The following KLHL21 variants were observed in gnomAD, a reference collection of about 807,000 sequenced individuals.
KLHL21 encodes kelch-like protein 21.
In KLHL21, 42 loss-of-function variants were observed where a neutral mutation model predicts 44.1. That is an observed-to-expected ratio of 0.95 (90% confidence interval 0.74 to 1.23). KLHL21 has a LOEUF of 1.23. Ranked by LOEUF, KLHL21 falls within the 50% of genes most tolerant of loss-of-function variation. KLHL21 has a pLI of 0.00. For synonymous variants in KLHL21, 524 were observed against 411.6 expected (o/e 1.27, Z -3.31); for missense variants, 918 against 889.1 (o/e 1.03, Z -0.41).
rs1233711162 is a variant in KLHL21 at position 6,602,048 on chromosome 1, G to C, written c.770C>G (p.Ala257Gly). The change falls in exon 1 of 4, where the codon GCG becomes GGG. Residue 257 changes from alanine to glycine, a missense_variant. By Grantham distance (60) the Ala-to-Gly change is moderately conservative. Coordinates refer to ENST00000377658, the MANE Select transcript of KLHL21 (RefSeq NM_014851.4). ...GTAGCGCGCCGCCTGGAAGTCGCGC[G>C]CCTCGCGCAGCAGGCGCAGGCAGGG... is the stretch of plus-strand genomic sequence containing the variant. Reference protein sequence around the residue: ...CPPCLRLLREARDFQAARYDR... With the variant: ...CPPCLRLLREGRDFQAARYDR... 6.6e-7 allele frequency: 1 copy of C among 1,521,894 alleles called. No homozygotes were observed. The highest frequency in any genetic ancestry group is 1.4e-5 in the African/African-American group (1 of 70,702). 94.3% of individuals were successfully genotyped at this position (1,521,894 alleles called of 1,614,324 possible).
In KLHL21 at chr1:6,602,094, G is replaced by A. The variant is rs1275834027; in HGVS notation, c.724C>T (p.Pro242Ser). ...CAGGGTGGGCAGCGCGCCACCAGCGGCTCGGCCTCGACGTGCGCCAACAGG... is the reference window on the plus strand; with the variant it reads ...CAGGGTGGGCAGCGCGCCACCAGCGACTCGGCCTCGACGTGCGCCAACAGG... ...FYLLAHVEAE[P>S]LVARCPPCLR... The change falls in exon 1 of 4, where the codon CCG becomes TCG. Residue 242 changes from proline (P) to serine (S), a missense_variant. By Grantham distance (74) the Pro-to-Ser change is moderately conservative (BLOSUM62 -1). Coordinates refer to ENST00000377658, the MANE Select transcript of KLHL21 (RefSeq NM_014851.4). 1.4e-6 allele frequency: 2 copies of A among 1,480,216 alleles called. No homozygotes were observed. The highest frequency in any genetic ancestry group is 1.3e-5 in the South Asian group (1 of 75,926). The allele number at this position is 1,480,216 out of a possible 1,614,324, so 91.7% of individuals were successfully genotyped here. A position where few individuals can be genotyped will look rare whatever the true frequency, so the allele number is the denominator to read the frequency against.
intron 2 of KLHL21, among the ~76,000 whole-genome samples, chr1:6,597,459 G>T (rs1049280804): frequency 6.6e-6 from 1 of 152,186 alleles, no homozygotes; most frequent in Non-Finnish European, 1.5e-5. Flanking sequence ...TCACAACTTG[G>T]GGGAGGGAGA....
chr1:6,594,093 A>G (rs1465987373), intron 3 of KLHL21: 7 of 1,000,960 alleles, frequency 7.0e-6, no homozygotes, highest in African/African-American at 1.7e-5. Flanking sequence ...CAAATTCGCT[A>G]TGACTATGTG....
In KLHL21 at chr1:6,591,657, AG is replaced by A. The variant is rs1640852342; in HGVS notation, c.*1707del. The A allele has an allele frequency of 1.3e-5, 2 of 152,476 alleles. No individual in the cohort carries two copies. Among genetic ancestry groups the A allele is most frequent in the African/African-American group, 4.8e-5 (2 of 41,580 alleles). The allele number at this position is 152,476 out of a possible 1,614,324, so 9.4% of individuals were successfully genotyped here. A position where few individuals can be genotyped will look rare whatever the true frequency, so the allele number is the denominator to read the frequency against. ...CCTCTGGGTGGGCTCAGCAGCCCCT[AG>A]GAAGTTAAGCGAGAGCTACAGGGCA... On this transcript the variant is annotated 3_prime_UTR_variant, in exon 4 of 4. Coordinates refer to ENST00000377658, the MANE Select transcript of KLHL21 (RefSeq NM_014851.4).
In KLHL21 at chr1:6,599,091, G is replaced by A. The variant is rs771284046; in HGVS notation, c.1383C>T (p.Phe461=). Residue 461 remains phenylalanine, a synonymous_variant, in exon 2 of 4, where the codon TTC becomes TTT. Coordinates refer to ENST00000377658, the MANE Select transcript of KLHL21 (RefSeq NM_014851.4). ...VDCGQLPPWS[F]APKTATLNGL... is the part of the protein sequence containing the mutation. Reference sequence around the variant, plus strand: ...CGTTTAGAGTCGCAGTCTTGGGGGCGAAGGACCAGGGCGGGAGCTGGCCGC... The same window carrying A: ...CGTTTAGAGTCGCAGTCTTGGGGGCAAAGGACCAGGGCGGGAGCTGGCCGC... 3.7e-6 allele frequency: 6 copies of A among 1,609,562 alleles called. No individual in the cohort carries two copies. Among genetic ancestry groups the A allele is most frequent in the Admixed American group, 1.7e-5 (1 of 59,436 alleles).
Position 6,593,394 on chromosome 1 carries a change from G to A in KLHL21, c.1765C>T (p.Pro589Ser). The change falls in exon 4 of 4, where the codon CCG becomes TCG. Residue 589 changes from proline (P) to serine (S), a missense_variant. Coordinates refer to ENST00000377658, the MANE Select transcript of KLHL21 (RefSeq NM_014851.4). Reference protein sequence around the residue: ...SDDMDPGRPRPPRDPDELH With the variant: ...SDDMDPGRPRSPRDPDELH ...TGCAGCTCATCGGGGTCCCGCGGCG[G>A]CCGGGGTCGGCCTGGGTCCATGTCA... 2 of 1,604,182 alleles carry A rather than the reference G, an allele frequency of 1.2e-6. No individual in the cohort carries two copies. Among genetic ancestry groups the A allele is most frequent in the Non-Finnish European group, 8.5e-7 (1 of 1,175,494 alleles).
In KLHL21 at chr1:6,593,075, C is replaced by T. The variant is rs573788361; in HGVS notation, c.*290G>A. 70 of 434,984 alleles carry T rather than the reference C, an allele frequency of 1.6e-4. No individual in the cohort carries two copies. Among genetic ancestry groups the T allele is most frequent in the Admixed American group, 3.7e-4 (10 of 27,328 alleles). The allele number at this position is 434,984 out of a possible 1,614,324, so 26.9% of individuals were successfully genotyped here. ...ACAACGGCAGGAGGGGTGTGCGCCGCGTGGGTGAGCTGTGATCCGCGGGGT... is the reference window on the plus strand; with the variant it reads ...ACAACGGCAGGAGGGGTGTGCGCCGTGTGGGTGAGCTGTGATCCGCGGGGT... On this transcript the variant is annotated 3_prime_UTR_variant, in exon 4 of 4. Coordinates refer to ENST00000377658, the MANE Select transcript of KLHL21 (RefSeq NM_014851.4).
At position 6,602,769 on chromosome 1, in the gene KLHL21, G is replaced by C; in HGVS notation, c.49C>G (p.His17Asp). The C allele has an allele frequency of 6.7e-7, 1 of 1,489,536 alleles. No individual in the cohort carries two copies. Among genetic ancestry groups the C allele is most frequent in the Non-Finnish European group, 8.9e-7 (1 of 1,128,266 alleles). The allele number at this position is 1,489,536 out of a possible 1,614,324, so 92.3% of individuals were successfully genotyped here. A position where few individuals can be genotyped will look rare whatever the true frequency, so the allele number is the denominator to read the frequency against. Reference protein sequence around the residue: ...LAVLPFSDPAHALSLLRGLSQ... With the variant: ...LAVLPFSDPADALSLLRGLSQ... ...AGGCCGCGCAGCAGGCTCAGGGCGTGCGCGGGGTCCGAGAAGGGAAGCACG... is the reference window on the plus strand; with the variant it reads ...AGGCCGCGCAGCAGGCTCAGGGCGTCCGCGGGGTCCGAGAAGGGAAGCACG... The change falls in exon 1 of 4, where the codon CAC becomes GAC. Residue 17 changes from histidine (H) to aspartate (D), a missense_variant. Coordinates refer to ENST00000377658, the MANE Select transcript of KLHL21 (RefSeq NM_014851.4).
intron 1 of KLHL21, 110 bp from the exon 2 acceptor site, chr1:6,599,562 G>A (rs1189808172): frequency 1.7e-6 from 2 of 1,165,000 alleles, no homozygotes; most frequent in Non-Finnish European, 2.4e-6. Context: ...TAACATCACT[G>A]GGCTTCACCC....
chr1:6,599,596 A>G lies in KLHL21; in HGVS notation c.1022-144T>C, dbSNP rs1013508947. On this transcript the variant is annotated intron_variant, in intron 1 of 3. Coordinates refer to ENST00000377658, the MANE Select transcript of KLHL21 (RefSeq NM_014851.4). ...CCCAGACGCACACCCTCTCCCCAAA[A>G]GCCCAGGCCACATGTTGTGGCTAAG... The G allele has an allele frequency of 1.3e-5, 11 of 842,038 alleles. No homozygotes were observed. In the Admixed American group the frequency reaches 2.9e-4, roughly 22 times the overall value. The allele number at this position is 842,038 out of a possible 1,614,324, so 52.2% of individuals were successfully genotyped here.
chr1:6,599,616 G>A (rs761150634), intron 1 of KLHL21, 164 bp from the exon 2 acceptor site: 4 of 727,472 alleles, frequency 5.5e-6, no homozygotes, highest in Non-Finnish European at 8.8e-6. Flanking sequence ...ACATGTTGTG[G>A]CTAAGGCAAA....
rs991980861 is a variant in KLHL21 at position 6,599,195 on chromosome 1, T to C, written c.1279A>G (p.Ile427Val). Residue 427 changes from isoleucine to valine, a missense_variant, in exon 2 of 4, where the codon ATC (isoleucine) becomes GTC (valine). Physicochemically the swap from Ile to Val is conservative, Grantham distance 29. Transcript: ENST00000377658. The part of the protein sequence containing the change: ...TTACRGRLYA[I>V]GSLAGKETMV... ...GTCTCCTTGCCAGCCAGGGAGCCGA[T>C]GGCATAGAGCCGGCCACGGCACGCA... 2 of 1,614,160 alleles carry C rather than the reference T, an allele frequency of 1.2e-6. No homozygotes were observed. Among genetic ancestry groups the C allele is most frequent in the Non-Finnish European group, 1.7e-6 (2 of 1,180,038 alleles).
At position 6,599,330 on chromosome 1, in the gene KLHL21, C is replaced by A. The variant is rs768119966; in HGVS notation, c.1144G>T (p.Gly382Ter). The stretch of plus-strand genomic sequence containing the variant: ...TCGGCGGCCACCACGTACAGCAGTC[C>A]GTCCAGCACAGAGGAGCTGTGGTAC... Reference protein sequence around the residue: ...REYHSSSVLDGLLYVVAADST... With the variant: ...REYHSSSVLD The change falls in exon 2 of 4, where the codon GGA becomes TGA. Residue 382 changes from glycine to a stop codon, truncating the protein, a stop_gained. Transcript: ENST00000377658. LOFTEE classifies it high-confidence loss of function. The A allele has an allele frequency of 1.2e-5, 19 of 1,613,814 alleles. No homozygotes were observed. The highest frequency in any genetic ancestry group is 1.6e-5 in the Non-Finnish European group (19 of 1,180,040).
intron 2 of KLHL21, among the ~76,000 whole-genome samples, chr1:6,598,082 A>C (rs1216089872): frequency 1.3e-5 from 2 of 152,224 alleles, no homozygotes; most frequent in East Asian, 1.9e-4. Context: ...ATCGCTTAAG[A>C]AAGCCTGGGG....
intron 3 of KLHL21, chr1:6,594,116 G>T: frequency 2.0e-6 from 2 of 991,250 alleles, no homozygotes; most frequent in Non-Finnish European, 2.4e-6. Flanking sequence ...GCTTACTGCG[G>T]GGAAAACAGA....
intron 3 of KLHL21, 187 bp from the exon 4 acceptor site, chr1:6,593,845 A>C: frequency 7.3e-7 from 1 of 1,368,898 alleles, no homozygotes; most frequent in Non-Finnish European, 9.4e-7. Flanking sequence ...GCCTCCCCGG[A>C]GGCAGCTGGG....
At chr1:6,599,902 C>T (rs1370977512) in intron 1 of KLHL21, 1 of 167,750 alleles carries the variant, frequency 6.0e-6, no homozygotes, top group African/African-American at 2.4e-5. Context: ...AGCGGAAACC[C>T]ACTTCCTGCT....
In KLHL21 at chr1:6,595,534, A is replaced by G. The variant is rs772653051; in HGVS notation, c.1451T>C (p.Val484Ala). Residue 484 changes from valine (V) to alanine (A), a missense_variant, in exon 3 of 4, where the codon GTG becomes GCG. Coordinates refer to ENST00000377658, the MANE Select transcript of KLHL21 (RefSeq NM_014851.4). ...CCATTCGTTCCTCGTCGGGTTGTAC[A>G]CGTCCACCTCAGCGGAGTCATCCCT... The part of the protein sequence containing the change: ...FVRDDSAEVD[V>A]YNPTRNEWDK... 3 of 1,613,996 alleles carry G rather than the reference A, an allele frequency of 1.9e-6. No individual in the cohort carries two copies. Among genetic ancestry groups the G allele is most frequent in the East Asian group, 4.5e-5 (2 of 44,868 alleles).
rs536711279 is a variant in KLHL21 at position 6,602,365 on chromosome 1, C to G, written c.453G>C (p.Ser151=). 2.5e-6 allele frequency: 4 copies of G among 1,579,740 alleles called. No homozygotes were observed. Among genetic ancestry groups the G allele is most frequent in the African/African-American group, 1.3e-5 (1 of 74,142 alleles). ...ACCGCTGCGCCGCGCTCGCCAGTCC[C>G]GAGCAGCTGAAGGCCTCAGCGAAGT... ...MQDFAEAFSC[S]GLASAAQRFI... The change falls in exon 1 of 4, where the codon TCG becomes TCC. Residue 151 remains serine, a synonymous_variant. Transcript: ENST00000377658.
Sources: gnomAD v4.1 joint callset for allele counts (sites outside exome capture counted in the v4.1 genomes callset) on GRCh38, gnomAD v4.1.1 for gene constraint, MANE v1.5 for transcripts, NCBI Gene and HGNC (gene_info 2026-07-23, HGNC 2026-07-21) for gene names.